SBNO1: variants seen among roughly 807,000 people sequenced by gnomAD.
SBNO1 encodes the protein protein strawberry notch homolog 1.
In SBNO1, 23 loss-of-function variants were observed where a neutral mutation model predicts 173.6. That is an observed-to-expected ratio of 0.13 (90% CI 0.10 to 0.19). The LOEUF is 0.19. Among genes scored for constraint, SBNO1 ranks in the 10% least tolerant of loss-of-function variants. The pLI is 1.00. For missense variants in SBNO1, 1,238 were observed against 1,671.2 expected (o/e 0.74, Z 4.52); for synonymous variants, 632 against 571.5 (o/e 1.11, Z -1.51).
intron 16 of SBNO1, among the ~76,000 whole-genome samples, chr12:123,322,218 G>A (rs539559833): frequency 6.6e-4 from 100 of 152,094 alleles, no homozygotes; most frequent in Admixed American, 1.5e-3. Context: ...CTGCAGCCTC[G>A]ACTTCCCTGG....
intron 1 of SBNO1, among the ~76,000 whole-genome samples, chr12:123,351,019 G>A (rs536705174): frequency 2.6e-5 from 4 of 152,186 alleles, no homozygotes; most frequent in Non-Finnish European, 4.4e-5. Flanking sequence ...CTTCTCTGGA[G>A]GCTGAGGCAG....
At chr12:123,303,330 C>T (rs965443366) in intron 29 of SBNO1, among the ~76,000 whole-genome samples, 1 of 152,286 alleles carries the variant, frequency 6.6e-6, no homozygotes, top group African/African-American at 2.4e-5. Flanking sequence ...GCTTCCTTTA[C>T]TGAAGAGATA....
chr12:123,299,132 G>C (rs928375042), intron 30 of SBNO1, among the ~76,000 whole-genome samples: 7 of 152,204 alleles, frequency 4.6e-5, no homozygotes, highest in Non-Finnish European at 8.8e-5. Context: ...ACTTTGGGAG[G>C]ACAAGGCCGG....
intron 2 of SBNO1, among the ~76,000 whole-genome samples, chr12:123,349,918 A>G (rs757652347): frequency 7.9e-5 from 12 of 152,024 alleles, no homozygotes; most frequent in African/African-American, 2.4e-5. Flanking sequence ...GTCTCAGAAA[A>G]AAAAAAAAAT....
intron 21 of SBNO1, among the ~76,000 whole-genome samples, chr12:123,316,703 CT>C (rs545944754): frequency 7.4e-4 from 92 of 123,884 alleles, no homozygotes; most frequent in African/African-American, 8.9e-4. Context: ...TTTTCTTCTT[CT>C]TTTTTTTTTT....
Position 123,364,791 on chromosome 12 carries a change from G to GGCGGCAGCA in SBNO1, c.-100_-92dup, listed in dbSNP as rs1875961525. The GGCGGCAGCA allele has an allele frequency of 3.0e-6, 3 of 987,614 alleles. No homozygotes were observed. Among genetic ancestry groups the GGCGGCAGCA allele is most frequent in the Non-Finnish European group, 3.6e-6 (3 of 831,874 alleles). The allele number at this position is 987,614 out of a possible 1,614,324, so 61.2% of individuals were successfully genotyped here. ...CGACTGGAGCGGAGGCGGCGGTGGC[G>GGCGGCAGCA]GCGGCAGCAGCGGCGTCCTGCTCTG... On this transcript the variant is annotated 5_prime_UTR_variant, in exon 1 of 32. Coordinates refer to ENST00000602398, the MANE Select transcript of SBNO1 (RefSeq NM_001167856.3).
intron 30 of SBNO1, among the ~76,000 whole-genome samples, chr12:123,300,496 A>G (rs2048750265): frequency 6.6e-6 from 1 of 152,068 alleles, no homozygotes; most frequent in Admixed American, 6.6e-5. Flanking sequence ...TCTCTACTAA[A>G]AATACAAAAA....
rs778990864 is a variant in SBNO1 at position 123,298,141 on chromosome 12, C to T, written c.3876G>A (p.Gly1292=). The change falls in exon 31 of 32, where the codon GGG becomes GGA. Residue 1292 remains glycine (G), a synonymous_variant. Coordinates refer to ENST00000602398, the MANE Select transcript of SBNO1 (RefSeq NM_001167856.3). ...WRGNCKKASL[G]LVCEIGLRCR... Reference sequence around the variant, plus strand: ...AACGAAGACCTATTTCACAAACTAGCCCCAAGCTTGCTTTTTTGCAATTGC... The same window carrying T: ...AACGAAGACCTATTTCACAAACTAGTCCCAAGCTTGCTTTTTTGCAATTGC... 6.2e-7 allele frequency: 1 copy of T among 1,612,780 alleles called. No homozygotes were observed. The highest frequency in any genetic ancestry group is 8.5e-7 in the Non-Finnish European group (1 of 1,179,720).
intron 17 of SBNO1, 45 bp from the exon 18 acceptor site, chr12:123,320,911 A>G (rs779762864): frequency 2.9e-6 from 4 of 1,395,062 alleles, no homozygotes; most frequent in Non-Finnish European, 2.9e-6. Context: ...TGTTAAAACA[A>G]GTACAGAATC....
intron 28 of SBNO1, among the ~76,000 whole-genome samples, chr12:123,308,441 C>A (rs779319145): frequency 6.6e-6 from 1 of 152,000 alleles, no homozygotes; most frequent in Non-Finnish European, 1.5e-5. Context: ...GAGGCCAAGG[C>A]GGGCAGATCA....
At chr12:123,340,081 C>T (rs1872343381) in intron 5 of SBNO1, among the ~76,000 whole-genome samples, 1 of 152,142 alleles carries the variant, frequency 6.6e-6, no homozygotes, top group Non-Finnish European at 1.5e-5. Context: ...TTGTGAGTAG[C>T]ACATTGCATA....
intron 31 of SBNO1, 95 bp from the exon 32 acceptor site, chr12:123,296,145 G>A (rs891875093): frequency 2.4e-5 from 17 of 713,276 alleles, no homozygotes; most frequent in South Asian, 3.8e-5. Context: ...AATATTAAGC[G>A]TAATGGACAA....
intron 3 of SBNO1, among the ~76,000 whole-genome samples, chr12:123,346,841 G>A (rs201279116): frequency 2.0e-5 from 3 of 152,000 alleles, no homozygotes; most frequent in African/African-American, 7.2e-5. Context: ...ACTTTGGGAC[G>A]CTGAGATGGG....
At position 123,325,157 on chromosome 12, in the gene SBNO1, G is replaced by C. The variant is rs935100187; in HGVS notation, c.1973+345C>G. Among the ~76,000 whole-genome samples, 4 of 152,146 alleles carry C rather than the reference G, an allele frequency of 2.6e-5. No individual in the cohort carries two copies. The South Asian group carries it at 8.3e-4, about 32-fold the overall frequency. On this transcript the variant is annotated intron_variant, in intron 15 of 31. Transcript: ENST00000602398. ...TATATTAGGACAAACTATAGTTACT[G>C]TTCCTGTGGATAACGGTAATTTCAA...
At chr12:123,353,041 G>A (rs1224516632) in intron 1 of SBNO1, among the ~76,000 whole-genome samples, 16 of 152,144 alleles carry the variant, frequency 1.1e-4, no homozygotes, top group African/African-American at 2.9e-4. Context: ...CAGGCAATCC[G>A]TCCGCCTCGG....
chr12:123,357,332 C>T (rs1479577014), intron 1 of SBNO1, among the ~76,000 whole-genome samples: 1 of 151,872 alleles, frequency 6.6e-6, no homozygotes, highest in Non-Finnish European at 1.5e-5. Context: ...TGCCTGTAAT[C>T]CCAGCTACTC....
intron 1 of SBNO1, among the ~76,000 whole-genome samples, chr12:123,362,484 G>A (rs999742736): frequency 7.0e-6 from 1 of 142,076 alleles, no homozygotes; most frequent in African/African-American, 2.6e-5. Context: ...CTGACGGGGG[G>A]GCCAAGGGCG....
chr12:123,314,376 C>T (rs1464916393), intron 23 of SBNO1, among the ~76,000 whole-genome samples: 1 of 151,584 alleles, frequency 6.6e-6, no homozygotes, highest in East Asian at 2.0e-4. Flanking sequence ...TGTTGACAGG[C>T]TGGAGTGCAG....
chr12:123,301,528 T>C (rs1469859581), intron 30 of SBNO1, among the ~76,000 whole-genome samples: 1 of 152,126 alleles, frequency 6.6e-6, no homozygotes, highest in Admixed American at 6.5e-5. Context: ...GAGCATTAAC[T>C]ACTTAATGAG....
Sources: allele counts gnomAD v4.1 joint callset (sites outside exome capture counted in the v4.1 genomes callset), GRCh38; gene constraint gnomAD v4.1.1; transcripts MANE v1.5; gene names NCBI Gene and HGNC (gene_info 2026-07-23, HGNC 2026-07-21).